The following SGCZ variants were observed in gnomAD, a reference collection of about 807,000 sequenced individuals.
SGCZ encodes the protein zeta-sarcoglycan.
A neutral mutation model predicts 41.3 loss-of-function variants in SGCZ; 40 were observed. The observed-to-expected ratio is 0.97, with a 90% CI of 0.75 to 1.26. The LOEUF (loss-of-function observed/expected upper bound fraction) is 1.26, where lower values mean the gene tolerates loss of function less well. SGCZ is among the 50% of genes most tolerant of loss of function. The pLI is 0.00. For synonymous variants in SGCZ, 206 were observed against 137.5 expected (o/e 1.50, Z -3.49); for missense variants, 552 against 369.8 (o/e 1.49, Z -4.04).
intron 1 of SGCZ, among the ~76,000 whole-genome samples, chr8:15,068,166 A>G (rs115471920): frequency 1.4e-3 from 207 of 152,274 alleles, no homozygotes; most frequent in African/African-American, 4.9e-3. Flanking sequence ...TTCTAAAGAA[A>G]ATAAGGAGTA....
chr8:14,429,737 T>A lies in SGCZ; in HGVS notation c.235-105533A>T, dbSNP rs553399705. Among the ~76,000 whole-genome samples the A allele has an allele frequency of 7.8e-4, 119 of 152,022 alleles. 2 individuals are homozygous for A. Among genetic ancestry groups the A allele is most frequent in the Non-Finnish European group, 2.8e-4 (19 of 68,010 alleles). On this transcript the variant is annotated intron_variant, in intron 2 of 7. Transcript: ENST00000382080. ...AAACACAGTTCTACCATTTGATAGC[T>A]GTGTGATCTCGGCCAGCATATTTAC...
chr8:14,555,075 A>C, intron 1 of SGCZ, 149 bp from the exon 2 acceptor site: 1 of 687,856 alleles, frequency 1.5e-6, no homozygotes, highest in Non-Finnish European at 2.3e-6. Context: ...TGTAATTAAA[A>C]TGTTATAGAA....
chr8:14,900,921 T>C (rs1240485220), intron 1 of SGCZ, among the ~76,000 whole-genome samples: 2 of 152,210 alleles, frequency 1.3e-5, no homozygotes, highest in Admixed American at 1.3e-4. Context: ...AGTTTTATAC[T>C]CTGAATTGCA....
intron 1 of SGCZ, among the ~76,000 whole-genome samples, chr8:14,832,168 T>A (rs1802555539): frequency 6.6e-6 from 1 of 152,174 alleles, no homozygotes; most frequent in South Asian, 2.1e-4. Context: ...TTTGCAGACA[T>A]CGTGACATTA....
chr8:14,335,836 C>A (rs978611691), intron 2 of SGCZ, among the ~76,000 whole-genome samples: 1 of 152,102 alleles, frequency 6.6e-6, no homozygotes, highest in Admixed American at 6.6e-5. Context: ...ATTATACCTG[C>A]ATCAGGTTAT....
At chr8:14,217,554 C>A (rs35582170) in intron 4 of SGCZ, among the ~76,000 whole-genome samples, 35,661 of 146,480 alleles carry the variant, frequency 0.24, 5,447 homozygotes, top group Non-Finnish European at 0.35. Context: ...GAGTTCACCT[C>A]ATAAACAAAA....
At chr8:14,774,873 G>A (rs13257044) in intron 1 of SGCZ, among the ~76,000 whole-genome samples, 1 of 151,888 alleles carries the variant, frequency 6.6e-6, no homozygotes, top group East Asian at 1.9e-4. Context: ...TACCTATTAA[G>A]TACTCATTTA....
At chr8:14,563,351 T>C (rs968124767) in intron 1 of SGCZ, among the ~76,000 whole-genome samples, 2 of 152,228 alleles carry the variant, frequency 1.3e-5, no homozygotes, top group South Asian at 4.1e-4. Flanking sequence ...AGATATGGCT[T>C]CTTTCTGGAT....
Position 14,769,793 on chromosome 8 carries a change from T to TAAAAAAA in SGCZ, c.40-214874_40-214868dup, listed in dbSNP as rs565416806. Among the ~76,000 whole-genome samples, 192 of 52,170 alleles carry TAAAAAAA rather than the reference T, an allele frequency of 3.7e-3. 13 individuals are homozygous for TAAAAAAA. Among genetic ancestry groups the TAAAAAAA allele is most frequent in the African/African-American group, 0.021 (168 of 8,084 alleles). 34.2% of individuals were successfully genotyped at this position (52,170 alleles called of 152,430 possible). On this transcript the variant is annotated intron_variant, in intron 1 of 7. Coordinates refer to ENST00000382080, the MANE Select transcript of SGCZ (RefSeq NM_139167.4). ...CTGGGCGACAAGAGCAAAACACCAT[T>TAAAAAAA]AAAAAAAAAAAAAAAAAAAAAACCC...
At chr8:14,544,935 A>T (rs549663079) in intron 2 of SGCZ, among the ~76,000 whole-genome samples, 52 of 152,162 alleles carry the variant, frequency 3.4e-4, no homozygotes, top group Non-Finnish European at 6.3e-4. Context: ...CCTTTGAAGC[A>T]TGTGATCTTT....
intron 3 of SGCZ, among the ~76,000 whole-genome samples, chr8:14,272,325 T>A (rs976728907): frequency 6.6e-6 from 1 of 152,186 alleles, no homozygotes; most frequent in African/African-American, 2.4e-5. Context: ...TTTTGATAGC[T>A]GAGTTATATA....
intron 1 of SGCZ, among the ~76,000 whole-genome samples, chr8:15,183,335 A>T (rs955776559): frequency 1.3e-5 from 2 of 151,654 alleles, no homozygotes; most frequent in African/African-American, 4.9e-5. Context: ...CATTACTACA[A>T]ACACATGAGA....
chr8:14,784,053 GTT>G (rs67722353), intron 1 of SGCZ, among the ~76,000 whole-genome samples: 45 of 145,556 alleles, frequency 3.1e-4, no homozygotes, highest in South Asian at 8.7e-4. Context: ...TTAATTTAAT[GTT>G]TTTTTTTTTT....
chr8:14,114,563 A>C (rs1239610444), intron 5 of SGCZ, among the ~76,000 whole-genome samples: 1 of 152,020 alleles, frequency 6.6e-6, no homozygotes, highest in African/African-American at 2.4e-5. Flanking sequence ...AAATATTTGA[A>C]AGCCTTTACT....
intron 2 of SGCZ, among the ~76,000 whole-genome samples, chr8:14,415,632 C>G (rs1200972639): frequency 6.6e-6 from 1 of 151,872 alleles, no homozygotes. Context: ...CAGATCTACG[C>G]TTAACACTTT....
At chr8:14,829,053 T>G (rs1802436134) in intron 1 of SGCZ, among the ~76,000 whole-genome samples, 1 of 152,062 alleles carries the variant, frequency 6.6e-6, no homozygotes, top group Admixed American at 6.5e-5. Flanking sequence ...AAGGGGTACA[T>G]GTGTCCCTGA....
chr8:14,545,626 T>C (rs1803602729), intron 2 of SGCZ, among the ~76,000 whole-genome samples: 2 of 152,218 alleles, frequency 1.3e-5, no homozygotes, highest in Non-Finnish European at 2.9e-5. Context: ...ATCTACTTTA[T>C]GTCCTGGCTA....
At chr8:14,509,305 C>G (rs1249321286) in intron 2 of SGCZ, among the ~76,000 whole-genome samples, 2 of 152,144 alleles carry the variant, frequency 1.3e-5, no homozygotes, top group Non-Finnish European at 2.9e-5. Flanking sequence ...ATTTGTTCAG[C>G]TAACGCAAAT....
intron 2 of SGCZ, among the ~76,000 whole-genome samples, chr8:14,361,465 T>C (rs755070585): frequency 1.2e-4 from 18 of 152,238 alleles, no homozygotes; most frequent in Non-Finnish European, 2.5e-4. Context: ...TTCTGCTTCA[T>C]CGAATCTGCT....
Sources: gnomAD v4.1 joint callset for allele counts (sites outside exome capture counted in the v4.1 genomes callset) on GRCh38, gnomAD v4.1.1 for gene constraint, MANE v1.5 for transcripts, NCBI Gene and HGNC (gene_info 2026-07-23, HGNC 2026-07-21) for gene names.